Variants in AGBL3 observed in about 807,000 individuals in gnomAD.
The protein encoded by AGBL3 is AGBL carboxypeptidase 3.
Under a neutral mutation model 94.5 loss-of-function variants are expected in AGBL3, and 68 were observed. That is an observed-to-expected ratio of 0.72 (90% CI 0.59 to 0.88). The LOEUF (loss-of-function observed/expected upper bound fraction) is 0.88. AGBL3 is among the 40% of genes least tolerant of loss of function. AGBL3 has a pLI of 0.00. For synonymous variants in AGBL3, 354 were observed against 370.7 expected (o/e 0.95, Z 0.52); for missense variants, 934 against 1,103.8 (o/e 0.85, Z 2.18).
Position 135,091,363 on chromosome 7 carries a change from T to TC in AGBL3, c.2110+9576dup, listed in dbSNP as rs554897362. On this transcript the variant is annotated intron_variant, in intron 15 of 16. Coordinates refer to ENST00000436302, the MANE Select transcript of AGBL3 (RefSeq NM_178563.4). ...ATACCAAAATCTACACATACTCAAG[T>TC]CCCACAGTCAGCCCTGTACCCACAT... 3.7e-4 allele frequency among the ~76,000 whole-genome samples: 57 copies of TC among 152,284 alleles called. No homozygotes were observed. The South Asian group carries it at 5.2e-3, about 14-fold the overall frequency.
intron 15 of AGBL3, among the ~76,000 whole-genome samples, chr7:135,098,018 T>A (rs1296583876): frequency 1.9e-4 from 29 of 152,142 alleles, no homozygotes; most frequent in Non-Finnish European, 2.9e-5. Context: ...AGATAATCTA[T>A]CTATAAACAG....
At chr7:135,029,578 C>T (rs1024583106) in intron 5 of AGBL3, among the ~76,000 whole-genome samples, 38 of 152,100 alleles carry the variant, frequency 2.5e-4, no homozygotes, top group African/African-American at 9.2e-4. Flanking sequence ...GCTGGTTTGA[C>T]CCAGACCACC....
At position 135,084,907 on chromosome 7, in the gene AGBL3, G is replaced by A. The variant is rs147327471; in HGVS notation, c.2110+3117G>A. On this transcript the variant is annotated intron_variant, in intron 15 of 16. Coordinates refer to ENST00000436302, the MANE Select transcript of AGBL3 (RefSeq NM_178563.4). ...ATGGTAGTTCTGTTTTTAGTTTTCTGGGTAACCTCCATATTATTCTCCATA... is the reference window on the plus strand; with the variant it reads ...ATGGTAGTTCTGTTTTTAGTTTTCTAGGTAACCTCCATATTATTCTCCATA... Among the ~76,000 whole-genome samples the A allele has an allele frequency of 4.6e-5, 7 of 152,160 alleles. 2 individuals are homozygous for A. Among genetic ancestry groups the A allele is most frequent in the African/African-American group, 1.7e-4 (7 of 41,534 alleles).
chr7:135,106,022 AT>A (rs929410917), intron 15 of AGBL3, among the ~76,000 whole-genome samples: 11 of 151,902 alleles, frequency 7.2e-5, no homozygotes, highest in African/African-American at 2.7e-4. Flanking sequence ...TGTGTTCCTG[AT>A]TTGGCTCTCG....
chr7:135,027,765 T>C (rs192805251), intron 5 of AGBL3, among the ~76,000 whole-genome samples: 40 of 151,680 alleles, frequency 2.6e-4, no homozygotes, highest in African/African-American at 9.7e-4. Flanking sequence ...TATATTGTAC[T>C]CAGGAGATGG....
intron 12 of AGBL3, among the ~76,000 whole-genome samples, chr7:135,067,909 G>A (rs1819505591): frequency 6.6e-6 from 1 of 152,212 alleles, no homozygotes; most frequent in South Asian, 2.1e-4. Flanking sequence ...CGAGTTGAGA[G>A]AAGAAGGCTT....
At chr7:134,987,237 G>A (rs534695363) in intron 1 of AGBL3, among the ~76,000 whole-genome samples, 1 of 152,134 alleles carries the variant, frequency 6.6e-6, no homozygotes. Context: ...TGAAATTGTC[G>A]AGTCCTTTGG....
chr7:135,101,575 G>T (rs1174099602), intron 15 of AGBL3, among the ~76,000 whole-genome samples: 1 of 152,012 alleles, frequency 6.6e-6, no homozygotes, highest in Non-Finnish European at 1.5e-5. Context: ...CACCCGCCAA[G>T]AAAATAAAAA....
intron 15 of AGBL3, among the ~76,000 whole-genome samples, chr7:135,105,070 G>GT (rs71172498): frequency 0.41 from 52,552 of 126,876 alleles, 12,034 homozygotes; most frequent in Middle Eastern, 0.52. Context: ...TTACATTCAA[G>GT]TTTTTTTTTT....
chr7:135,032,738 AAAATTTAC>A (rs1285672053), intron 5 of AGBL3, 98 bp from the exon 6 acceptor site: 6 of 1,097,242 alleles, frequency 5.5e-6, no homozygotes, highest in Non-Finnish European at 7.3e-6. Context: ...CAGTTACTTT[AAAATTTAC>A]AATCCTTACA....
At chr7:135,119,186 A>G (rs1032078903) in intron 16 of AGBL3, among the ~76,000 whole-genome samples, 1 of 152,170 alleles carries the variant, frequency 6.6e-6, no homozygotes, top group Non-Finnish European at 1.5e-5. Context: ...GCAGACCATT[A>G]ATAGGATACA....
At chr7:135,106,662 G>A (rs1238348601) in intron 15 of AGBL3, among the ~76,000 whole-genome samples, 1 of 152,142 alleles carries the variant, frequency 6.6e-6, no homozygotes, top group Non-Finnish European at 1.5e-5. Flanking sequence ...AAGGATATTG[G>A]CCTGAAGTTT....
rs568630208 is a variant in AGBL3 at position 135,070,804 on chromosome 7, G to T, written c.1909-5593G>T. On this transcript the variant is annotated intron_variant, in intron 12 of 16. Coordinates refer to ENST00000436302, the MANE Select transcript of AGBL3 (RefSeq NM_178563.4). ...GGCAAAAACTGGAAGCATTCCCTTT[G>T]AAAACTGGCACAAGACAGGGATGCC... is the stretch of plus-strand genomic sequence containing the variant. Among the ~76,000 whole-genome samples, 10 of 152,172 alleles carry T rather than the reference G, an allele frequency of 6.6e-5. 1 individual carries two copies. Among genetic ancestry groups the T allele is most frequent in the Middle Eastern group, 3.4e-3 (1 of 294 alleles).
chr7:135,123,154 G>T (rs1827380024), intron 16 of AGBL3, among the ~76,000 whole-genome samples: 1 of 152,148 alleles, frequency 6.6e-6, no homozygotes, highest in Non-Finnish European at 1.5e-5. Context: ...GTTGATAAAA[G>T]GTTAGAGTAG....
At chr7:135,107,935 T>A (rs1824995246) in intron 15 of AGBL3, among the ~76,000 whole-genome samples, 1 of 152,222 alleles carries the variant, frequency 6.6e-6, no homozygotes, top group South Asian at 2.1e-4. Context: ...TAGGTCTTCT[T>A]GTTGAATTGA....
intron 15 of AGBL3, among the ~76,000 whole-genome samples, chr7:135,110,647 G>A (rs1481267850): frequency 6.6e-6 from 1 of 152,104 alleles, no homozygotes; most frequent in African/African-American, 2.4e-5. Context: ...GCTTTTCTCT[G>A]TTCTCCATGG....
intron 11 of AGBL3, among the ~76,000 whole-genome samples, chr7:135,050,819 T>C (rs1441439112): frequency 6.6e-6 from 1 of 152,058 alleles, no homozygotes; most frequent in South Asian, 2.1e-4. Flanking sequence ...ACAGGGAGTA[T>C]CTTGTAGATA....
chr7:134,995,128 T>C (rs1397526006), intron 4 of AGBL3: 2 of 152,208 alleles, frequency 1.3e-5, no homozygotes, highest in South Asian at 2.1e-4. Flanking sequence ...TCATGACATA[T>C]CTGTGACAGA....
Position 135,034,100 on chromosome 7 carries a change from C to A in AGBL3, c.558-49C>A. On this transcript the variant is annotated intron_variant, in intron 6 of 16. Transcript: ENST00000436302. Reference sequence around the variant, plus strand: ...TTTACATTGGTTTTTTACAAAATGTCATTTTTACATTCTTACGTGCTTTTT... The same window carrying A: ...TTTACATTGGTTTTTTACAAAATGTAATTTTTACATTCTTACGTGCTTTTT... 3.1e-6 allele frequency: 4 copies of A among 1,309,568 alleles called. No homozygotes were observed. The South Asian group carries it at 1.0e-4, about 33-fold the overall frequency. 81.1% of individuals were successfully genotyped at this position (1,309,568 alleles called of 1,614,324 possible). A position where few individuals can be genotyped will look rare whatever the true frequency, so the allele number is the denominator to read the frequency against.
Sources: gnomAD v4.1 joint callset for allele counts (sites outside exome capture counted in the v4.1 genomes callset) on GRCh38, gnomAD v4.1.1 for gene constraint, MANE v1.5 for transcripts, NCBI Gene and HGNC (gene_info 2026-07-23, HGNC 2026-07-21) for gene names.